UVRAG: variants seen among roughly 807,000 people sequenced by gnomAD.
The protein encoded by UVRAG is UV radiation resistance-associated gene protein.
Under a neutral mutation model 78.0 loss-of-function variants are expected in UVRAG, and 19 were observed. That is an observed-to-expected ratio of 0.24 (90% CI 0.17 to 0.36). The LOEUF (loss-of-function observed/expected upper bound fraction) is 0.36. UVRAG is among the 10% of genes least tolerant of loss of function. The probability of loss-of-function intolerance (pLI) is 1.00; values close to 1 mark genes in which losing one functional copy is unlikely to be tolerated. For missense variants in UVRAG, 740 were observed against 853.8 expected (o/e 0.87, Z 1.66); for synonymous variants, 323 against 324.6 (o/e 1.00, Z 0.05).
At chr11:76,112,877 C>T (rs1205019581) in intron 13 of UVRAG, among the ~76,000 whole-genome samples, 1 of 152,050 alleles carries the variant, frequency 6.6e-6, no homozygotes, top group Non-Finnish European at 1.5e-5. Context: ...TAGGCAAGCA[C>T]CACCATGCCC....
At chr11:75,847,613 A>C (rs1400698259) in intron 1 of UVRAG, among the ~76,000 whole-genome samples, 2 of 152,126 alleles carry the variant, frequency 1.3e-5, no homozygotes, top group Non-Finnish European at 2.9e-5. Flanking sequence ...GACCTAGGGC[A>C]CAAGAGGGTT....
At chr11:76,092,053 C>G (rs190155025) in intron 13 of UVRAG, among the ~76,000 whole-genome samples, 66 of 151,118 alleles carry the variant, frequency 4.4e-4, no homozygotes, top group Admixed American at 3.9e-3. Flanking sequence ...TCTCATTGTT[C>G]AATTCCCACC....
chr11:76,112,718 C>A (rs1227275562), intron 13 of UVRAG, among the ~76,000 whole-genome samples: 1 of 147,128 alleles, frequency 6.8e-6, no homozygotes, highest in South Asian at 2.1e-4. Flanking sequence ...TATTCTATTT[C>A]TTTTTTCTTT....
At chr11:76,091,077 A>T (rs774776629) in intron 13 of UVRAG, among the ~76,000 whole-genome samples, 4 of 152,170 alleles carry the variant, frequency 2.6e-5, no homozygotes, top group Non-Finnish European at 5.9e-5. Flanking sequence ...GCATGCATGG[A>T]GATAAATTTT....
In UVRAG at chr11:76,121,509, T is replaced by C. The variant is rs546562055; in HGVS notation, c.1397+5494T>C. 1.2e-4 allele frequency among the ~76,000 whole-genome samples: 19 copies of C among 152,352 alleles called. No homozygotes were observed. The South Asian group carries it at 3.9e-3, about 32-fold the overall frequency. Reference sequence around the variant, plus strand: ...CATGCACAGGCACCACTGATGTGGGTGCTGAAGAATGTGCACCTAAGCTGC... The same window carrying C: ...CATGCACAGGCACCACTGATGTGGGCGCTGAAGAATGTGCACCTAAGCTGC... On this transcript the variant is annotated intron_variant, in intron 14 of 14. Transcript: ENST00000356136.
At chr11:76,009,526 A>T (rs1446310471) in intron 11 of UVRAG, among the ~76,000 whole-genome samples, 1 of 152,172 alleles carries the variant, frequency 6.6e-6, no homozygotes, top group Non-Finnish European at 1.5e-5. Flanking sequence ...AGCCTAAACA[A>T]TGCTTTGAGG....
chr11:75,849,026 A>G (rs556683630), intron 1 of UVRAG, among the ~76,000 whole-genome samples: 2 of 152,200 alleles, frequency 1.3e-5, no homozygotes, highest in East Asian at 1.9e-4. Flanking sequence ...TAAAAATACA[A>G]AATTAGCCAA....
chr11:76,098,907 TAAATA>T (rs1163016170), intron 13 of UVRAG, among the ~76,000 whole-genome samples: 4 of 152,138 alleles, frequency 2.6e-5, no homozygotes, highest in African/African-American at 9.7e-5. Flanking sequence ...TGTTCGAAAT[TAAATA>T]AAATGGTTCC....
chr11:76,002,836 G>A (rs569069301), intron 8 of UVRAG, among the ~76,000 whole-genome samples: 2 of 152,266 alleles, frequency 1.3e-5, no homozygotes, highest in Non-Finnish European at 2.9e-5. Flanking sequence ...AGCTCTTTGG[G>A]AGGCCACGGC....
At chr11:75,881,383 C>G (rs575893504) in intron 4 of UVRAG, among the ~76,000 whole-genome samples, 1 of 152,118 alleles carries the variant, frequency 6.6e-6, no homozygotes, top group Non-Finnish European at 1.5e-5. Flanking sequence ...CAGGAAGACT[C>G]GAAGCAGGGA....
intron 12 of UVRAG, among the ~76,000 whole-genome samples, chr11:76,063,543 T>A (rs1052413923): frequency 1.3e-5 from 2 of 152,196 alleles, no homozygotes; most frequent in South Asian, 4.1e-4. Flanking sequence ...CAAGGTATGG[T>A]TCAAATAAGG....
intron 13 of UVRAG, among the ~76,000 whole-genome samples, chr11:76,068,393 G>A (rs1478505000): frequency 6.6e-6 from 1 of 152,144 alleles, no homozygotes; most frequent in African/African-American, 2.4e-5. Flanking sequence ...TAGTAATTGT[G>A]TATCCTCTCC....
intron 6 of UVRAG, among the ~76,000 whole-genome samples, chr11:75,950,379 T>A (rs1948667637): frequency 6.6e-6 from 1 of 152,148 alleles, no homozygotes; most frequent in Non-Finnish European, 1.5e-5. Flanking sequence ...CCCTTCAGCC[T>A]CCCACGTAGC....
At position 76,042,582 on chromosome 11, in the gene UVRAG, C is replaced by G. The variant is rs78419670; in HGVS notation, c.1227-23128C>G. ...TTACTAATCATGTGATCCCACTGCA[C>G]TCAACAGTGATGGATTTAGGAGTTG... On this transcript the variant is annotated intron_variant, in intron 12 of 14. Transcript: ENST00000356136. Among the ~76,000 whole-genome samples, 98 of 152,270 alleles carry G rather than the reference C, an allele frequency of 6.4e-4. 1 individual carries two copies. In the East Asian group the frequency reaches 0.013, roughly 21 times the overall value.
At chr11:75,986,630 C>T (rs1024211967) in intron 8 of UVRAG, among the ~76,000 whole-genome samples, 3 of 152,012 alleles carry the variant, frequency 2.0e-5, no homozygotes, top group African/African-American at 7.2e-5. Flanking sequence ...ATATAATTCC[C>T]ATACCATATA....
At chr11:75,900,431 C>T (rs1345618514) in intron 5 of UVRAG, among the ~76,000 whole-genome samples, 1 of 152,136 alleles carries the variant, frequency 6.6e-6, no homozygotes, top group South Asian at 2.1e-4. Context: ...CTGTTGCCTT[C>T]TCTTCTTTCT....
intron 5 of UVRAG, among the ~76,000 whole-genome samples, chr11:75,896,502 A>G (rs998175380): frequency 6.6e-6 from 1 of 152,238 alleles, no homozygotes; most frequent in Non-Finnish European, 1.5e-5. Context: ...TCAGATTGAT[A>G]TAAGTTTAAT....
intron 7 of UVRAG, among the ~76,000 whole-genome samples, chr11:75,974,183 G>A (rs900283134): frequency 2.0e-4 from 31 of 152,062 alleles, no homozygotes; most frequent in Admixed American, 1.6e-3. Context: ...GTGTAAAAGC[G>A]TTCCTATTTC....
intron 3 of UVRAG, among the ~76,000 whole-genome samples, chr11:75,873,371 C>T (rs1360755553): frequency 6.6e-6 from 1 of 151,720 alleles, no homozygotes; most frequent in East Asian, 1.9e-4. Context: ...TATTTGAATA[C>T]TTACTTTGTC....
Sources: gnomAD v4.1 joint callset for allele counts (sites outside exome capture counted in the v4.1 genomes callset) on GRCh38, gnomAD v4.1.1 for gene constraint, MANE v1.5 for transcripts, NCBI Gene and HGNC (gene_info 2026-07-23, HGNC 2026-07-21) for gene names.